The following EEPD1 variants were observed in gnomAD, a reference collection of about 807,000 sequenced individuals.
EEPD1 encodes endonuclease/exonuclease/phosphatase family domain containing 1.
EEPD1 carries 17 observed loss-of-function variants against 46.3 expected under a neutral mutation model. That is an observed-to-expected ratio of 0.37 (90% CI 0.25 to 0.55). EEPD1 has a LOEUF of 0.55. EEPD1 is among the 20% of genes least tolerant of loss of function. The probability of loss-of-function intolerance (pLI) is 0.83; values close to 1 mark genes in which losing one functional copy is unlikely to be tolerated. For missense variants in EEPD1, 673 were observed against 745.6 expected (o/e 0.90, Z 1.13); for synonymous variants, 313 against 315.6 (o/e 0.99, Z 0.09).
At chr7:36,159,806 G>A (rs866578470) in intron 2 of EEPD1, among the ~76,000 whole-genome samples, 3 of 152,192 alleles carry the variant, frequency 2.0e-5, no homozygotes, top group Non-Finnish European at 4.4e-5. Context: ...TCCAAAAGGC[G>A]TCAGGGCTCC....
chr7:36,227,774 G>A (rs779291793), intron 2 of EEPD1, among the ~76,000 whole-genome samples: 1 of 152,010 alleles, frequency 6.6e-6, no homozygotes, highest in Admixed American at 6.5e-5. Context: ...TGCAAGCTTC[G>A]CCTCCCAGGT....
intron 2 of EEPD1, among the ~76,000 whole-genome samples, chr7:36,236,389 T>C (rs1786441336): frequency 6.6e-6 from 1 of 152,236 alleles, no homozygotes; most frequent in Admixed American, 6.5e-5. Flanking sequence ...CGGCACTTGC[T>C]GGGCTTGATC....
chr7:36,263,837 T>C (rs1338689294), intron 3 of EEPD1, among the ~76,000 whole-genome samples: 1 of 152,228 alleles, frequency 6.6e-6, no homozygotes, highest in Non-Finnish European at 1.5e-5. Flanking sequence ...TATGTATCGA[T>C]TGTTTTGTTT....
chr7:36,175,398 T>C (rs1016526220), intron 2 of EEPD1, among the ~76,000 whole-genome samples: 3 of 152,008 alleles, frequency 2.0e-5, no homozygotes. Context: ...GCCTGACTAA[T>C]TTTTAAATTT....
chr7:36,170,399 A>G (rs890179837), intron 2 of EEPD1, among the ~76,000 whole-genome samples: 2 of 151,390 alleles, frequency 1.3e-5, no homozygotes, highest in African/African-American at 4.9e-5. Flanking sequence ...ACAGAGTAAG[A>G]CTCTGTCTCA....
chr7:36,225,349 C>T lies in EEPD1; in HGVS notation c.879-13636C>T, dbSNP rs190343597. Among the ~76,000 whole-genome samples the T allele has an allele frequency of 1.3e-5, 2 of 152,152 alleles. No individual in the cohort carries two copies. The highest frequency in any genetic ancestry group is 1.3e-4 in the Admixed American group (2 of 15,276). ...TATACATGTGGAAGATGGAACTGAC[C>T]ACCCACATTCAGATTTTTGGCGTTG... On this transcript the variant is annotated intron_variant, in intron 2 of 7. Coordinates refer to ENST00000242108, the MANE Select transcript of EEPD1 (RefSeq NM_030636.3). This position sits in a 1 kb window ranked among gnomAD's most constrained non-coding sequence, Gnocchi z 4.2.
At chr7:36,275,752 G>A (rs973464800) in intron 3 of EEPD1, among the ~76,000 whole-genome samples, 9 of 152,098 alleles carry the variant, frequency 5.9e-5, no homozygotes, top group East Asian at 3.8e-4. Context: ...GAGCCACTGC[G>A]CCCGAACCAC....
At chr7:36,252,631 ACG>A (rs1036337268) in intron 3 of EEPD1, among the ~76,000 whole-genome samples, 6 of 142,356 alleles carry the variant, frequency 4.2e-5, no homozygotes, top group Admixed American at 2.8e-4. Flanking sequence ...GAAAATGCAC[ACG>A]TGTATTCGAA....
At chr7:36,218,996 T>G (rs752497674) in intron 2 of EEPD1, among the ~76,000 whole-genome samples, 7 of 152,106 alleles carry the variant, frequency 4.6e-5, no homozygotes, top group Non-Finnish European at 1.0e-4. Flanking sequence ...AGCAAGAAAG[T>G]GGGGTTTCGG....
At chr7:36,284,439 C>G (rs1242637263) in intron 4 of EEPD1, among the ~76,000 whole-genome samples, 1 of 152,220 alleles carries the variant, frequency 6.6e-6, no homozygotes, top group Non-Finnish European at 1.5e-5. Context: ...CACCTCCCCC[C>G]AAAGACAGAA....
intron 4 of EEPD1, among the ~76,000 whole-genome samples, chr7:36,283,547 G>C (rs1018232439): frequency 6.6e-6 from 1 of 152,206 alleles, no homozygotes; most frequent in Non-Finnish European, 1.5e-5. Context: ...AGGAAGCTGA[G>C]GTTTAGAAAA....
At chr7:36,247,434 C>T (rs1453935870) in intron 3 of EEPD1, among the ~76,000 whole-genome samples, 1 of 152,198 alleles carries the variant, frequency 6.6e-6, no homozygotes, top group Non-Finnish European at 1.5e-5. Flanking sequence ...TTAGTTTCTG[C>T]AACAATTGAG....
rs528023871 is a variant in EEPD1, at chr7:36,180,159, G to T, written c.878+24957G>T. Among the ~76,000 whole-genome samples the T allele has an allele frequency of 2.0e-5, 3 of 152,290 alleles. No individual in the cohort carries two copies. The South Asian group carries it at 6.2e-4, about 32-fold the overall frequency. ...TTAAGTTCATTAATAAAGGAATTAG[G>T]TAATTGGCATGGGATGTTTAGAATA... On this transcript the variant is annotated intron_variant, in intron 2 of 7. Coordinates refer to ENST00000242108, the MANE Select transcript of EEPD1 (RefSeq NM_030636.3).
rs146318852 is a variant in EEPD1 at position 36,286,326 on chromosome 7, G to A, written c.1177-1313G>A. 4.1e-3 allele frequency among the ~76,000 whole-genome samples: 617 copies of A among 152,326 alleles called. 6 individuals carry two copies. Among genetic ancestry groups the A allele is most frequent in the African/African-American group, 0.014 (587 of 41,564 alleles). On this transcript the variant is annotated intron_variant, in intron 5 of 7. Coordinates refer to ENST00000242108, the MANE Select transcript of EEPD1 (RefSeq NM_030636.3). ...TGTGCCCCCCACCCAGCCTTAAGAT[G>A]CTTTCTCTAGCAGGCAGAGCTGCAG...
At chr7:36,272,231 T>C (rs1397599942) in intron 3 of EEPD1, among the ~76,000 whole-genome samples, 1 of 152,166 alleles carries the variant, frequency 6.6e-6, no homozygotes, top group Non-Finnish European at 1.5e-5. Context: ...TATGGAAGTC[T>C]TAATTCCCAT....
intron 2 of EEPD1, among the ~76,000 whole-genome samples, chr7:36,207,127 T>C (rs1337836771): frequency 6.6e-6 from 1 of 152,182 alleles, no homozygotes; most frequent in Non-Finnish European, 1.5e-5. Flanking sequence ...CAAAAATTTA[T>C]TGAGGGTCTG....
At chr7:36,287,030 T>G (rs145464537) in intron 5 of EEPD1, among the ~76,000 whole-genome samples, 1 of 151,506 alleles carries the variant, frequency 6.6e-6, no homozygotes, top group African/African-American at 2.4e-5. Flanking sequence ...TCACTTGAGG[T>G]CAGGAGCTTG....
At chr7:36,283,962 T>G (rs927130250) in intron 4 of EEPD1, among the ~76,000 whole-genome samples, 2 of 152,178 alleles carry the variant, frequency 1.3e-5, no homozygotes, top group Non-Finnish European at 2.9e-5. Context: ...AAAGGAGAAG[T>G]GTGTCTTCTT....
At chr7:36,292,577 G>A (rs1787464621) in intron 6 of EEPD1, among the ~76,000 whole-genome samples, 1 of 151,692 alleles carries the variant, frequency 6.6e-6, no homozygotes, top group Non-Finnish European at 1.5e-5. Context: ...GAGCCATGTT[G>A]GCTCACTGCA....
Sources: allele counts gnomAD v4.1 joint callset (sites outside exome capture counted in the v4.1 genomes callset), GRCh38; gene constraint gnomAD v4.1.1; non-coding constraint Gnocchi (gnomAD v3.1); transcripts MANE v1.5; gene names NCBI Gene and HGNC (gene_info 2026-07-23, HGNC 2026-07-21).